Variants in HMMR observed in about 807,000 individuals in gnomAD.
HMMR encodes hyaluronan mediated motility receptor.
A neutral mutation model predicts 101.0 loss-of-function variants in HMMR; 108 were observed. The observed-to-expected ratio is 1.07, with a 90% CI of 0.92 to 1.25. The LOEUF (loss-of-function observed/expected upper bound fraction) is 1.25, where lower values mean the gene tolerates loss of function less well. Among genes scored for constraint, HMMR ranks in the 50% most tolerant of loss-of-function variants. The probability of loss-of-function intolerance (pLI) is 0.00; values close to 1 mark genes in which losing one functional copy is unlikely to be tolerated. For synonymous variants in HMMR, 296 were observed against 276.4 expected, an observed-to-expected ratio of 1.07 and a Z score of -0.70; for missense variants, 813 against 788.7, an observed-to-expected ratio of 1.03 and a Z score of -0.37.
chr5:163,474,334 C>T (rs1381521461), intron 10 of HMMR, 129 bp downstream of exon 10: 3 of 692,914 alleles, frequency 4.3e-6, no homozygotes, highest in African/African-American at 1.8e-5. Context: ...ATCCTGAGGA[C>T]ATAATCATGG....
intron 16 of HMMR, among the ~76,000 whole-genome samples, chr5:163,487,092 A>G (rs1759504162): frequency 6.6e-6 from 1 of 152,190 alleles, no homozygotes; most frequent in African/African-American, 2.4e-5. Context: ...TTTGTCATAG[A>G]TGCTCTTTAT....
intron 15 of HMMR, 97 bp downstream of exon 15, chr5:163,483,464 C>A: frequency 1.5e-6 from 1 of 665,710 alleles, no homozygotes; most frequent in Non-Finnish European, 2.7e-6. Flanking sequence ...TCTGCAAGAT[C>A]ATTTTGCTCT....
intron 1 of HMMR, among the ~76,000 whole-genome samples, chr5:163,463,527 G>A (rs1054318727): frequency 2.6e-5 from 4 of 152,082 alleles, no homozygotes; most frequent in Admixed American, 6.5e-5. Context: ...GACTCTCTTC[G>A]AGTAGAGTTG....
intron 7 of HMMR, 130 bp from the exon 8 acceptor site, chr5:163,473,049 A>G (rs1758945710): frequency 5.9e-6 from 3 of 510,678 alleles, no homozygotes; most frequent in Admixed American, 3.8e-5. Context: ...GAAATTACAT[A>G]AAATAATAGT....
chr5:163,475,113 G>A (rs1356457435), intron 10 of HMMR, among the ~76,000 whole-genome samples: 1 of 151,886 alleles, frequency 6.6e-6, no homozygotes, highest in Admixed American at 6.6e-5. Context: ...ATAATTTTAT[G>A]TAATATGGAA....
chr5:163,470,899 C>G (rs1306865503), intron 5 of HMMR, among the ~76,000 whole-genome samples: 1 of 151,966 alleles, frequency 6.6e-6, no homozygotes. Flanking sequence ...GAAGATGAGG[C>G]AGGAGGATTG....
chr5:163,474,288 T>G, intron 10 of HMMR, 83 bp downstream of exon 10: 1 of 1,007,646 alleles, frequency 9.9e-7, no homozygotes, highest in Non-Finnish European at 1.5e-6. Context: ...AAATTGTGTA[T>G]ATCCTTTGAT....
chr5:163,482,403 A>C (rs528048636), intron 12 of HMMR, among the ~76,000 whole-genome samples: 1 of 152,046 alleles, frequency 6.6e-6, no homozygotes, highest in Non-Finnish European at 1.5e-5. Flanking sequence ...CCATCTCTGT[A>C]TGCATACTTC....
chr5:163,478,102 AT>A (rs1187567112), intron 11 of HMMR, among the ~76,000 whole-genome samples: 1 of 152,174 alleles, frequency 6.6e-6, no homozygotes, highest in Non-Finnish European at 1.5e-5. Context: ...TTGGAAATAT[AT>A]TATTTCCAAA....
chr5:163,460,698 CT>C lies in HMMR; in HGVS notation c.9del (p.Pro4LeufsTer5), dbSNP rs983351893. 6 of 1,606,738 alleles carry C rather than the reference CT, an allele frequency of 3.7e-6. No individual in the cohort carries two copies. Among genetic ancestry groups the C allele is most frequent in the Non-Finnish European group, 5.1e-6 (6 of 1,176,550 alleles). On this transcript the variant is annotated frameshift_variant, in exon 1 of 18. Transcript: ENST00000393915. LOFTEE classifies it high-confidence loss of function. Reference sequence around the variant, plus strand: ...TTCTGGAGCTGGCCGTCAACATGTCCTTTCCTAAGGCGCCCTTGAAACGATT... The same window carrying C: ...TTCTGGAGCTGGCCGTCAACATGTCCTTCCTAAGGCGCCCTTGAAACGATT... Reference protein sequence around the residue: MSFPKAPLKRFND... With the variant: MSXPKAPLKRFND...
chr5:163,483,429 A>T lies in HMMR; in HGVS notation c.1785+62A>T, dbSNP rs6897866. ...TTAGGGACTCACTTTGTTCCCTATT[A>T]TAGTGAGGACAGTGACTCGGGTTTT... On this transcript the variant is annotated intron_variant, in intron 15 of 17. Coordinates refer to ENST00000393915, the MANE Select transcript of HMMR (RefSeq NM_001142556.2). 0.012 allele frequency: 10,771 copies of T among 903,602 alleles called. 660 individuals carry two copies. In the African/African-American group the frequency reaches 0.15, roughly 12 times the overall value. The allele number at this position is 903,602 out of a possible 1,614,324, so 56.0% of individuals were successfully genotyped here. A position where few individuals can be genotyped will look rare whatever the true frequency, so the allele number is the denominator to read the frequency against.
rs754211529 is a variant in HMMR at position 163,484,250 on chromosome 5, G to A, written c.1962+5G>A. 26 of 1,533,054 alleles carry A rather than the reference G, an allele frequency of 1.7e-5. No homozygotes were observed. The highest frequency in any genetic ancestry group is 2.0e-5 in the Non-Finnish European group (22 of 1,120,936). 95.0% of individuals were successfully genotyped at this position (1,533,054 alleles called of 1,614,324 possible). ...GAAAATAGCCAACTCAAATCGGTTT[G>A]TAAAATGACTTTTCATTTTATTAAA... is the stretch of plus-strand genomic sequence containing the variant. On this transcript the variant is annotated splice_donor_5th_base_variant and intron_variant, in intron 16 of 17. Coordinates refer to ENST00000393915, the MANE Select transcript of HMMR (RefSeq NM_001142556.2).
intron 11 of HMMR, among the ~76,000 whole-genome samples, chr5:163,477,571 G>A (rs1055830482): frequency 1.3e-5 from 2 of 152,050 alleles, no homozygotes; most frequent in Non-Finnish European, 2.9e-5. Context: ...GGAATCTTGG[G>A]AAAATAAGAT....
Position 163,467,738 on chromosome 5 carries a change from T to C in HMMR, c.263T>C (p.Leu88Ser). The change falls in exon 4 of 18, where the codon TTA becomes TCA. Residue 88 changes from leucine (L) to serine (S), a missense_variant. Coordinates refer to ENST00000393915, the MANE Select transcript of HMMR (RefSeq NM_001142556.2). ...AAGAATGATAAAGATTTGAAGATAT[T>C]AGAGAAAGAGGTAAGCAGTGCTTTA... Reference protein sequence around the residue: ...SQKNDKDLKILEKEIRVLLQE... With the variant: ...SQKNDKDLKISEKEIRVLLQE... 1 of 1,520,052 alleles carries C rather than the reference T, an allele frequency of 6.6e-7. No individual in the cohort carries two copies. The allele number at this position is 1,520,052 out of a possible 1,614,324, so 94.2% of individuals were successfully genotyped here.
At chr5:163,477,789 A>G (rs940439706) in intron 11 of HMMR, among the ~76,000 whole-genome samples, 2 of 152,190 alleles carry the variant, frequency 1.3e-5, no homozygotes, top group African/African-American at 2.4e-5. Context: ...GATCCCTTCT[A>G]GCCTGGAAAT....
intron 12 of HMMR, among the ~76,000 whole-genome samples, chr5:163,480,035 A>G (rs1306212837): frequency 1.3e-5 from 2 of 152,232 alleles, no homozygotes; most frequent in African/African-American, 2.4e-5. Context: ...ATACAAAAGA[A>G]TGCATAACAT....
At chr5:163,461,599 C>T (rs955390873) in intron 1 of HMMR, among the ~76,000 whole-genome samples, 4 of 151,814 alleles carry the variant, frequency 2.6e-5, no homozygotes, top group African/African-American at 7.3e-5. Context: ...TCGAGACCAC[C>T]GTGAAACCCC....
rs1423385167 is a variant in HMMR, at chr5:163,491,643, A to C, written c.*479A>C. The stretch of plus-strand genomic sequence containing the variant: ...TCTACTTGTCCAGTTCAAATAAGAA[A>C]TAAGGACAAGCCTAACTTCATAGAA... On this transcript the variant is annotated 3_prime_UTR_variant, in exon 18 of 18. Coordinates refer to ENST00000393915, the MANE Select transcript of HMMR (RefSeq NM_001142556.2). 6.6e-6 allele frequency: 1 copy of C among 152,308 alleles called. No homozygotes were observed. The highest frequency in any genetic ancestry group is 1.5e-5 in the Non-Finnish European group (1 of 68,104). 9.4% of individuals were successfully genotyped at this position (152,308 alleles called of 1,614,324 possible).
At chr5:163,474,342 T>C (rs1327063888) in intron 10 of HMMR, 137 bp downstream of exon 10, 10 of 667,138 alleles carry the variant, frequency 1.5e-5, no homozygotes, top group Non-Finnish European at 2.1e-5. Flanking sequence ...GACATAATCA[T>C]GGATATGCTG....
Sources: allele counts gnomAD v4.1 joint callset (sites outside exome capture counted in the v4.1 genomes callset), GRCh38; gene constraint gnomAD v4.1.1; transcripts MANE v1.5; gene names NCBI Gene and HGNC (gene_info 2026-07-23, HGNC 2026-07-21).